Variants in PLCXD3 observed in about 807,000 individuals in gnomAD.
PLCXD3 encodes the protein phosphatidylinositol specific phospholipase C X domain containing 3, also known as PI-PLC X domain-containing protein 3.
PLCXD3 carries 19 observed loss-of-function variants against 25.5 expected under a neutral mutation model. The ratio of observed to expected loss-of-function variants is 0.75; its 90% CI spans 0.52 to 1.09. The LOEUF (loss-of-function observed/expected upper bound fraction) is 1.09. Among genes scored for constraint, PLCXD3 ranks in the 50% least tolerant of loss-of-function variants. The pLI, the probability that PLCXD3 is intolerant of heterozygous loss-of-function variation, is 0.00. For missense variants in PLCXD3, 411 were observed against 388.1 expected (o/e 1.06, Z -0.50); for synonymous variants, 174 against 137.6 (o/e 1.26, Z -1.85).
intron 2 of PLCXD3, among the ~76,000 whole-genome samples, chr5:41,332,809 T>C (rs985304437): frequency 3.9e-5 from 6 of 152,032 alleles, no homozygotes; most frequent in East Asian, 1.9e-4. Context: ...ATGGATGAAA[T>C]TGGAAATCAT....
At chr5:41,391,445 A>G (rs533647401) in intron 1 of PLCXD3, among the ~76,000 whole-genome samples, 1 of 152,288 alleles carries the variant, frequency 6.6e-6, no homozygotes, top group Admixed American at 6.5e-5. Flanking sequence ...TGACATTTCT[A>G]GACACACCTG....
intron 1 of PLCXD3, among the ~76,000 whole-genome samples, chr5:41,441,507 A>G (rs558940731): frequency 1.3e-5 from 2 of 152,296 alleles, no homozygotes; most frequent in Admixed American, 1.3e-4. Flanking sequence ...AAGCTTCTCT[A>G]AACAGTCTCC....
At chr5:41,508,108 T>C (rs1393199075) in intron 1 of PLCXD3, among the ~76,000 whole-genome samples, 1 of 151,994 alleles carries the variant, frequency 6.6e-6, no homozygotes, top group Non-Finnish European at 1.5e-5. Flanking sequence ...AGTATTGGAG[T>C]GAGAAGGGGA....
At chr5:41,392,503 G>T (rs1439261116) in intron 1 of PLCXD3, among the ~76,000 whole-genome samples, 1 of 152,172 alleles carries the variant, frequency 6.6e-6, no homozygotes, top group Non-Finnish European at 1.5e-5. Context: ...GTGTTACTAG[G>T]CTTGGGGTGC....
chr5:41,482,883 T>C (rs13174932), intron 1 of PLCXD3, among the ~76,000 whole-genome samples: 24,689 of 152,148 alleles, frequency 0.16, 2,262 homozygotes, highest in Middle Eastern at 0.21. Flanking sequence ...CACCAGAACT[T>C]TTTCATCTTG....
intron 2 of PLCXD3, among the ~76,000 whole-genome samples, chr5:41,353,295 G>A (rs950485891): frequency 6.6e-6 from 1 of 151,620 alleles, no homozygotes; most frequent in Non-Finnish European, 1.5e-5. Flanking sequence ...TAGAGACAGG[G>A]TTTCACTGTG....
At chr5:41,418,233 A>AAC (rs202051830) in intron 1 of PLCXD3, among the ~76,000 whole-genome samples, 2 of 152,094 alleles carry the variant, frequency 1.3e-5, no homozygotes, top group East Asian at 1.9e-4. Flanking sequence ...TTTCATTTAA[A>AAC]ACACACACAC....
At chr5:41,398,059 A>G (rs577609881) in intron 1 of PLCXD3, among the ~76,000 whole-genome samples, 33 of 152,336 alleles carry the variant, frequency 2.2e-4, no homozygotes, top group African/African-American at 7.2e-4. Context: ...TTAATGCTGG[A>G]ATGAGTTAAA....
chr5:41,358,802 A>AG (rs757175456), intron 2 of PLCXD3, among the ~76,000 whole-genome samples: 12 of 152,120 alleles, frequency 7.9e-5, no homozygotes, highest in Non-Finnish European at 1.5e-4. Context: ...TCCAGTTCTC[A>AG]GGGGGAGTGC....
chr5:41,457,716 G>C (rs1046822191), intron 1 of PLCXD3, among the ~76,000 whole-genome samples: 1 of 151,822 alleles, frequency 6.6e-6, no homozygotes, highest in South Asian at 2.1e-4. Flanking sequence ...TTTCCCATGG[G>C]ACTAGGGTTC....
chr5:41,497,325 G>A lies in PLCXD3; in HGVS notation c.103+13099C>T, dbSNP rs546871126. Reference sequence around the variant, plus strand: ...ACTTGAGAACATACATAGGCTGAAAGTGAATAGAAAAATATATTCCAGGCA... The same window carrying A: ...ACTTGAGAACATACATAGGCTGAAAATGAATAGAAAAATATATTCCAGGCA... On this transcript the variant is annotated intron_variant, in intron 1 of 2. Transcript: ENST00000377801. Among the ~76,000 whole-genome samples the A allele has an allele frequency of 2.6e-5, 4 of 151,934 alleles. No individual in the cohort carries two copies. The East Asian group carries it at 7.7e-4, about 29-fold the overall frequency.
intron 2 of PLCXD3, among the ~76,000 whole-genome samples, chr5:41,358,199 T>G (rs1744673349): frequency 6.6e-6 from 1 of 152,112 alleles, no homozygotes; most frequent in African/African-American, 2.4e-5. Context: ...GGAACTGAGG[T>G]TCAGAGGGTT....
chr5:41,381,862 C>T lies in PLCXD3; in HGVS notation c.776G>A (p.Gly259Glu), dbSNP rs1198701640. 3 of 1,612,336 alleles carry T rather than the reference C, an allele frequency of 1.9e-6. No individual in the cohort carries two copies. The highest frequency in any genetic ancestry group is 1.7e-6 in the Non-Finnish European group (2 of 1,179,488). ...LTPKASTVVK[G>E]VASGLRETIT... ...TGTTTCTCTGAGGCCACTTGCCACC[C>T]CTTTGACCACAGTGCTAGCTTTGGG... is the stretch of plus-strand genomic sequence containing the variant. The change falls in exon 2 of 3, where the codon GGG (glycine) becomes GAG (glutamate). Residue 259 changes from glycine (G) to glutamate (E), a missense_variant. Coordinates refer to ENST00000377801, the MANE Select transcript of PLCXD3 (RefSeq NM_001005473.3).
At chr5:41,415,881 A>C (rs1424780119) in intron 1 of PLCXD3, among the ~76,000 whole-genome samples, 1 of 152,164 alleles carries the variant, frequency 6.6e-6, no homozygotes, top group Non-Finnish European at 1.5e-5. Flanking sequence ...TTTATAATGG[A>C]ACTGTGTGGA....
intron 2 of PLCXD3, among the ~76,000 whole-genome samples, chr5:41,314,794 T>A (rs1743241175): frequency 6.6e-6 from 1 of 152,186 alleles, no homozygotes; most frequent in Admixed American, 6.5e-5. Context: ...TGATGTTCAC[T>A]CTGAGTAAAA....
intron 1 of PLCXD3, among the ~76,000 whole-genome samples, chr5:41,405,787 T>G (rs1004923804): frequency 4.6e-5 from 7 of 152,078 alleles, no homozygotes; most frequent in Non-Finnish European, 1.0e-4. Flanking sequence ...TGTTTTGTTT[T>G]GTTTTGTTTA....
intron 1 of PLCXD3, among the ~76,000 whole-genome samples, chr5:41,479,917 T>A (rs1440969448): frequency 1.3e-5 from 2 of 152,188 alleles, no homozygotes; most frequent in African/African-American, 2.4e-5. Context: ...ATATAGAAAC[T>A]AATTATTAAA....
intron 2 of PLCXD3, among the ~76,000 whole-genome samples, chr5:41,319,731 A>T (rs961352882): frequency 6.6e-6 from 1 of 152,092 alleles, no homozygotes; most frequent in African/African-American, 2.4e-5. Context: ...CCAAACCCCA[A>T]ATTAGTAGAA....
chr5:41,487,591 T>C (rs1344603533), intron 1 of PLCXD3, among the ~76,000 whole-genome samples: 1 of 152,180 alleles, frequency 6.6e-6, no homozygotes, highest in East Asian at 1.9e-4. Context: ...AGATAATGTA[T>C]AAGCACTATG....
Sources: gnomAD v4.1 joint callset for allele counts (sites outside exome capture counted in the v4.1 genomes callset) on GRCh38, gnomAD v4.1.1 for gene constraint, MANE v1.5 for transcripts, NCBI Gene and HGNC (gene_info 2026-07-23, HGNC 2026-07-21) for gene names.